CD2AP: variants seen among roughly 807,000 people sequenced by gnomAD.
CD2AP encodes CD2-associated protein.
Under a neutral mutation model 85.1 loss-of-function variants are expected in CD2AP, and 46 were observed. That is an observed-to-expected ratio of 0.54 (90% CI 0.43 to 0.69). The LOEUF (loss-of-function observed/expected upper bound fraction) is 0.69, where lower values mean the gene tolerates loss of function less well. CD2AP is among the 30% of genes least tolerant of loss of function. The probability of loss-of-function intolerance (pLI) is 0.00; values close to 1 mark genes in which losing one functional copy is unlikely to be tolerated. For synonymous variants in CD2AP, 255 were observed against 252.9 expected, an observed-to-expected ratio of 1.01 and a Z score of -0.08; for missense variants, 769 against 729.5, an observed-to-expected ratio of 1.05 and a Z score of -0.62.
At chr6:47,549,528 A>G (rs540679156) in intron 4 of CD2AP, among the ~76,000 whole-genome samples, 101 of 152,048 alleles carry the variant, frequency 6.6e-4, no homozygotes, top group African/African-American at 2.3e-3. Context: ...AGACCTCAAC[A>G]AGAAAAACTA....
At chr6:47,498,298 A>G (rs1382307818) in intron 1 of CD2AP, among the ~76,000 whole-genome samples, 1 of 152,200 alleles carries the variant, frequency 6.6e-6, no homozygotes, top group East Asian at 1.9e-4. Flanking sequence ...CAGTATTGCC[A>G]ATGAGAAGTG....
At chr6:47,558,239 T>A (rs1053780627) in intron 5 of CD2AP, among the ~76,000 whole-genome samples, 2 of 152,150 alleles carry the variant, frequency 1.3e-5, no homozygotes, top group Non-Finnish European at 2.9e-5. Flanking sequence ...GAGATGATGG[T>A]GTTTTCTAAA....
chr6:47,544,860 T>G, intron 4 of CD2AP, 154 bp downstream of exon 4: 1 of 587,740 alleles, frequency 1.7e-6, no homozygotes. Context: ...CTTGCTGTAT[T>G]TATATATGTA....
At chr6:47,592,596 G>A (rs1051313987) in intron 11 of CD2AP, among the ~76,000 whole-genome samples, 4 of 152,052 alleles carry the variant, frequency 2.6e-5, no homozygotes, top group Non-Finnish European at 4.4e-5. Flanking sequence ...TTTCAACCAC[G>A]TCTGAGTTTA....
At chr6:47,571,394 AG>A (rs1768147997) in intron 5 of CD2AP, among the ~76,000 whole-genome samples, 1 of 152,130 alleles carries the variant, frequency 6.6e-6, no homozygotes, top group African/African-American at 2.4e-5. Flanking sequence ...GGAAAGAACA[AG>A]GGGAAAGGAG....
chr6:47,519,529 T>C (rs994922011), intron 2 of CD2AP, among the ~76,000 whole-genome samples: 2 of 152,202 alleles, frequency 1.3e-5, no homozygotes, highest in African/African-American at 2.4e-5. Flanking sequence ...CTGTTGTGTG[T>C]TCTTTCTGAA....
chr6:47,576,969 C>A (rs1470051123), intron 7 of CD2AP, 40 bp from the exon 8 acceptor site: 1 of 1,004,400 alleles, frequency 1.0e-6, no homozygotes, highest in South Asian at 1.3e-5. Context: ...TTGAATGAAT[C>A]CATTTGTGTG....
Position 47,562,726 on chromosome 6 carries a change from T to G in CD2AP, c.541+7960T>G, listed in dbSNP as rs1767894517. The G allele has an allele frequency of 9.2e-6, 7 of 761,484 alleles. No individual in the cohort carries two copies. In the South Asian group the frequency reaches 9.8e-5, roughly 11 times the overall value. The allele number at this position is 761,484 out of a possible 1,614,324, so 47.2% of individuals were successfully genotyped here. The stretch of plus-strand genomic sequence containing the variant: ...TCCACAGTAGCCTAGCAGTGAAATT[T>G]GTGAAGCTGGCCAAGCCTTAGACAA... On this transcript the variant is annotated intron_variant, in intron 5 of 17. Coordinates refer to ENST00000359314, the MANE Select transcript of CD2AP (RefSeq NM_012120.3).
Position 47,519,231 on chromosome 6 carries a change from T to C in CD2AP, c.166-14371T>C, listed in dbSNP as rs568448865. Among the ~76,000 whole-genome samples the C allele has an allele frequency of 9.2e-5, 14 of 152,256 alleles. No homozygotes were observed. In the East Asian group the frequency reaches 2.7e-3, roughly 29 times the overall value. The stretch of plus-strand genomic sequence containing the variant: ...ATGCTTGGGGAGGTGGAAAATGACA[T>C]TGATAAGTTGGGTGGTCTAGAATAA... On this transcript the variant is annotated intron_variant, in intron 2 of 17. Transcript: ENST00000359314.
intron 17 of CD2AP, among the ~76,000 whole-genome samples, chr6:47,614,897 A>G (rs772031805): frequency 1.3e-5 from 2 of 152,238 alleles, no homozygotes; most frequent in East Asian, 3.8e-4. Flanking sequence ...TTAAGAGTTT[A>G]TCTTAATTCT....
chr6:47,485,169 C>T (rs1222369303), intron 1 of CD2AP, among the ~76,000 whole-genome samples: 2 of 152,160 alleles, frequency 1.3e-5, no homozygotes, highest in Non-Finnish European at 2.9e-5. Flanking sequence ...TTACAGAGTA[C>T]ATCTTCTACT....
chr6:47,536,112 T>C (rs181516752), intron 3 of CD2AP, among the ~76,000 whole-genome samples: 2 of 152,336 alleles, frequency 1.3e-5, no homozygotes, highest in East Asian at 3.9e-4. Flanking sequence ...GTACATGTGC[T>C]GCAAGGACTA....
chr6:47,609,169 C>T lies in CD2AP; in HGVS notation c.1679C>T (p.Thr560Ile), dbSNP rs1176396963. 1.2e-6 allele frequency: 2 copies of T among 1,612,972 alleles called. No homozygotes were observed. The highest frequency in any genetic ancestry group is 1.7e-6 in the Non-Finnish European group (2 of 1,179,486). ...CCTTCCAGTGCTTCTAAAGCAAATA[C>T]AACTGCTTTCCTGACTCCATTAGAA... ...STPSSASKAN[T>I]TAFLTPLEIK... Residue 560 changes from threonine to isoleucine, a missense_variant, in exon 16 of 18, where the codon ACA (threonine) becomes ATA (isoleucine). Thr to Ile is a moderately conservative substitution (Grantham distance 89). Coordinates refer to ENST00000359314, the MANE Select transcript of CD2AP (RefSeq NM_012120.3).
rs957925640 is a variant in CD2AP, at chr6:47,487,331, A to G, written c.4+9083A>G. ...TCTCACAAAATTATTCTAAATTCCT[A>G]TATGGATTATATATTACAAAATGCA... On this transcript the variant is annotated intron_variant, in intron 1 of 17. Coordinates refer to ENST00000359314, the MANE Select transcript of CD2AP (RefSeq NM_012120.3). Among the ~76,000 whole-genome samples, 6 of 152,326 alleles carry G rather than the reference A, an allele frequency of 3.9e-5. 1 individual carries two copies. The highest frequency in any genetic ancestry group is 2.4e-5 in the African/African-American group (1 of 41,574).
At chr6:47,549,829 C>T (rs907134678) in intron 4 of CD2AP, among the ~76,000 whole-genome samples, 1 of 152,108 alleles carries the variant, frequency 6.6e-6, no homozygotes. Context: ...GCCACAGTCA[C>T]CAAAACAGCA....
At chr6:47,532,413 A>G in intron 2 of CD2AP, among the ~76,000 whole-genome samples, 1 of 87,288 alleles carries the variant, frequency 1.1e-5, no homozygotes, top group Non-Finnish European at 2.6e-5. Context: ...ACACACACAC[A>G]CACACACAAT....
At chr6:47,555,695 A>G (rs1165265258) in intron 5 of CD2AP, among the ~76,000 whole-genome samples, 6 of 152,186 alleles carry the variant, frequency 3.9e-5, no homozygotes, top group Admixed American at 1.3e-4. Context: ...GTTTTAATCT[A>G]TCTTTACATA....
At chr6:47,482,392 T>C (rs1478190006) in intron 1 of CD2AP, among the ~76,000 whole-genome samples, 1 of 150,758 alleles carries the variant, frequency 6.6e-6, no homozygotes, top group Non-Finnish European at 1.5e-5. Context: ...TTTTTTTTTT[T>C]TTTTGAGATG....
chr6:47,493,428 G>C (rs990244541), intron 1 of CD2AP, among the ~76,000 whole-genome samples: 3 of 150,194 alleles, frequency 2.0e-5, no homozygotes, highest in Admixed American at 2.0e-4. Flanking sequence ...TGAGAAGCCT[G>C]CTGTAATTCT....
Sources: gnomAD v4.1 joint callset for allele counts (sites outside exome capture counted in the v4.1 genomes callset) on GRCh38, gnomAD v4.1.1 for gene constraint, MANE v1.5 for transcripts, NCBI Gene and HGNC (gene_info 2026-07-23, HGNC 2026-07-21) for gene names.